Variants in BUB1B observed in about 807,000 individuals in gnomAD.
BUB1B encodes mitotic checkpoint serine/threonine-protein kinase BUB1 beta.
A neutral mutation model predicts 137.7 loss-of-function variants in BUB1B; 86 were observed. The ratio of observed to expected loss-of-function variants is 0.62; its 90% CI spans 0.52 to 0.75. BUB1B has a LOEUF of 0.75. Among genes scored for constraint, BUB1B ranks in the 30% least tolerant of loss-of-function variants. BUB1B has a pLI of 0.00. For synonymous variants in BUB1B, 420 were observed against 417.9 expected (o/e 1.00, Z -0.06); for missense variants, 1,130 against 1,236.9 (o/e 0.91, Z 1.30).
intron 8 of BUB1B, among the ~76,000 whole-genome samples, chr15:40,190,772 C>T (rs531708890): frequency 1.8e-4 from 28 of 152,176 alleles, no homozygotes; most frequent in African/African-American, 6.0e-4. Flanking sequence ...TGATCTGATA[C>T]GAGTCAGCTG....
rs8029992 is a variant in BUB1B at position 40,200,204 on chromosome 15, G to A, written c.1402-40G>A. 2.8e-3 allele frequency: 3,896 copies of A among 1,402,738 alleles called. 91 individuals are homozygous for A. In the African/African-American group the frequency reaches 0.049, roughly 18 times the overall value. The allele number at this position is 1,402,738 out of a possible 1,614,324, so 86.9% of individuals were successfully genotyped here. A position where few individuals can be genotyped will look rare whatever the true frequency, so the allele number is the denominator to read the frequency against. ...TAGAACTAGAAAATAGCATTTTCTGGATGGGAGGGACATTGATTTTGTTTA... is the reference window on the plus strand; with the variant it reads ...TAGAACTAGAAAATAGCATTTTCTGAATGGGAGGGACATTGATTTTGTTTA... On this transcript the variant is annotated intron_variant, in intron 10 of 22. Transcript: ENST00000287598.
intron 9 of BUB1B, among the ~76,000 whole-genome samples, chr15:40,198,984 C>G (rs974887681): frequency 4.6e-5 from 7 of 152,158 alleles, no homozygotes; most frequent in African/African-American, 1.7e-4. Flanking sequence ...CCATCTTTTT[C>G]TATTCACCCT....
At chr15:40,205,636 C>T (rs1472696306) in intron 14 of BUB1B, among the ~76,000 whole-genome samples, 1 of 151,982 alleles carries the variant, frequency 6.6e-6, no homozygotes, top group African/African-American at 2.4e-5. Flanking sequence ...ACAATGTGGC[C>T]ATTATGTTTT....
intron 5 of BUB1B, among the ~76,000 whole-genome samples, chr15:40,177,809 A>G (rs1199141069): frequency 4.0e-5 from 6 of 151,428 alleles, no homozygotes; most frequent in Admixed American, 3.9e-4. Context: ...TTTTTTAAGT[A>G]AACTTTGGTA....
At chr15:40,204,888 A>G (rs2037617942) in intron 14 of BUB1B, among the ~76,000 whole-genome samples, 1 of 149,644 alleles carries the variant, frequency 6.7e-6, no homozygotes, top group African/African-American at 2.5e-5. Context: ...TTCCCACCTC[A>G]GCCTGCCTCC....
intron 5 of BUB1B, among the ~76,000 whole-genome samples, chr15:40,181,751 C>T (rs2140888633): frequency 6.6e-6 from 1 of 152,246 alleles, no homozygotes; most frequent in South Asian, 2.1e-4. Context: ...TGAAACCATT[C>T]AACATAAATT....
chr15:40,210,112 A>T lies in BUB1B; in HGVS notation c.2287A>T (p.Asn763Tyr). 1 of 1,602,824 alleles carries T rather than the reference A, an allele frequency of 6.2e-7. No homozygotes were observed. The highest frequency in any genetic ancestry group is 1.1e-5 in the South Asian group (1 of 90,844). ...LEIEKEIELG[N>Y]EDYCIKREYL... is the part of the protein sequence containing the mutation. ...ATGGAATCAAACTTTCTCAACAGGTAATGAGGATTACTGCATTAAACGAGA... is the reference window on the plus strand; with the variant it reads ...ATGGAATCAAACTTTCTCAACAGGTTATGAGGATTACTGCATTAAACGAGA... Residue 763 changes from asparagine to tyrosine, a missense_variant and splice_region_variant, in exon 18 of 23, where the codon AAT becomes TAT. Coordinates refer to ENST00000287598, the MANE Select transcript of BUB1B (RefSeq NM_001211.6).
At chr15:40,163,133 G>A (rs561933095) in intron 1 of BUB1B, among the ~76,000 whole-genome samples, 1 of 152,324 alleles carries the variant, frequency 6.6e-6, no homozygotes, top group Admixed American at 6.5e-5. Context: ...GGGTGTGAAT[G>A]TGATGCTCCC....
chr15:40,172,707 C>T (rs1385038169), intron 4 of BUB1B, among the ~76,000 whole-genome samples: 1 of 152,088 alleles, frequency 6.6e-6, no homozygotes, highest in Non-Finnish European at 1.5e-5. Flanking sequence ...GTTCAAGGGT[C>T]AACTGTAGTT....
chr15:40,179,579 C>A (rs955584751), intron 5 of BUB1B, among the ~76,000 whole-genome samples: 3 of 152,008 alleles, frequency 2.0e-5, no homozygotes, highest in Non-Finnish European at 4.4e-5. Context: ...CTAACAATAT[C>A]TTTTTTGTTA....
At chr15:40,167,778 A>G (rs546510357) in intron 2 of BUB1B, among the ~76,000 whole-genome samples, 7 of 148,044 alleles carry the variant, frequency 4.7e-5, no homozygotes, top group African/African-American at 1.7e-4. Context: ...CATTTGTTAG[A>G]TTTTTTTTTT....
intron 2 of BUB1B, among the ~76,000 whole-genome samples, chr15:40,167,777 GA>G (rs777301367): frequency 8.6e-6 from 1 of 116,540 alleles, no homozygotes; most frequent in Non-Finnish European, 2.1e-5. Flanking sequence ...TCATTTGTTA[GA>G]TTTTTTTTTT....
chr15:40,196,200 T>C (rs1390227946), intron 8 of BUB1B, among the ~76,000 whole-genome samples: 4 of 152,164 alleles, frequency 2.6e-5, no homozygotes, highest in African/African-American at 9.6e-5. Context: ...ATTCTCCTAC[T>C]TGTGACTTGC....
At chr15:40,173,062 G>A (rs1343371518) in intron 4 of BUB1B, among the ~76,000 whole-genome samples, 1 of 152,084 alleles carries the variant, frequency 6.6e-6, no homozygotes, top group Non-Finnish European at 1.5e-5. Flanking sequence ...TATCATCTGA[G>A]GTTAGGAGTT....
intron 5 of BUB1B, among the ~76,000 whole-genome samples, chr15:40,180,035 TTTG>T (rs527501323): frequency 1.7e-3 from 262 of 151,148 alleles, no homozygotes; most frequent in African/African-American, 6.2e-3. Context: ...TACCCTTTTT[TTTG>T]TTGTTGTTTT....
rs1566827481 is a variant in BUB1B at position 40,209,560 on chromosome 15, ACT to A, written c.2144-72_2144-71del. 22 of 1,556,680 alleles carry A rather than the reference ACT, an allele frequency of 1.4e-5. No homozygotes were observed. In the African/African-American group the frequency reaches 2.9e-4, roughly 20 times the overall value. On this transcript the variant is annotated intron_variant, in intron 16 of 22. Transcript: ENST00000287598. ...GTAATCTTGATTTTTTTTTTCTTCT[ACT>A]CTGTTATAATATCCATTTTAAGCAT...
At chr15:40,180,028 C>T (rs569986310) in intron 5 of BUB1B, among the ~76,000 whole-genome samples, 5 of 148,398 alleles carry the variant, frequency 3.4e-5, no homozygotes, top group African/African-American at 1.0e-4. Context: ...TTGTGTTTAC[C>T]CTTTTTTTTG....
intron 10 of BUB1B, chr15:40,200,043 A>T (rs2037545490): frequency 3.3e-6 from 2 of 610,598 alleles, no homozygotes; most frequent in African/African-American, 3.7e-5. Flanking sequence ...AATTTAGTAT[A>T]TGCCTGGCAC....
At chr15:40,203,188 A>G (rs2037596281) in intron 14 of BUB1B, among the ~76,000 whole-genome samples, 1 of 152,244 alleles carries the variant, frequency 6.6e-6, no homozygotes, top group African/African-American at 2.4e-5. Flanking sequence ...ACAAAATGTT[A>G]TGTATCCATA....
Sources: gnomAD v4.1 joint callset for allele counts (sites outside exome capture counted in the v4.1 genomes callset) on GRCh38, gnomAD v4.1.1 for gene constraint, MANE v1.5 for transcripts, NCBI Gene and HGNC (gene_info 2026-07-23, HGNC 2026-07-21) for gene names.